FBXL19: variants seen among roughly 807,000 people sequenced by gnomAD.
FBXL19 encodes the protein F-box and leucine rich repeat protein 19, also known as F-box/LRR-repeat protein 19.
A neutral mutation model predicts 71.2 loss-of-function variants in FBXL19; 16 were observed. That is an observed-to-expected ratio of 0.22 (90% CI 0.15 to 0.34). The LOEUF (loss-of-function observed/expected upper bound fraction) is 0.34. FBXL19 is among the 10% of genes least tolerant of loss of function. The pLI, the probability that FBXL19 is intolerant of heterozygous loss-of-function variation, is 1.00. For synonymous variants in FBXL19, 447 were observed against 409.4 expected (o/e 1.09, Z -1.11); for missense variants, 658 against 968.2 (o/e 0.68, Z 4.25).
rs1273056260 is a variant in FBXL19, at chr16:30,925,955, G to T, written c.177+24G>T. Reference sequence around the variant, plus strand: ...CCGTGAGTTCTGCCCCCACCTTTGGGCTCTGCCCACCCTTCCCAATACCTT... The same window carrying T: ...CCGTGAGTTCTGCCCCCACCTTTGGTCTCTGCCCACCCTTCCCAATACCTT... On this transcript the variant is annotated intron_variant, in intron 2 of 10. Coordinates refer to ENST00000338343, the MANE Select transcript of FBXL19 (RefSeq NM_001382779.1). The surrounding 1 kb of genome is among the most constrained non-coding windows in gnomAD (Gnocchi z 5.0). 22 of 1,468,236 alleles carry T rather than the reference G, an allele frequency of 1.5e-5. No individual in the cohort carries two copies. The highest frequency in any genetic ancestry group is 2.0e-5 in the Non-Finnish European group (22 of 1,113,910). 91.0% of individuals were successfully genotyped at this position (1,468,236 alleles called of 1,614,324 possible).
rs1325444885 is a variant in FBXL19 at position 30,927,924 on chromosome 16, A to G, written c.588A>G (p.Glu196=). ...EDVPGPPKRK[E]REAGNEPPTP... ...TGCCTGGGCCCCCCAAACGAAAGGA[A>G]AGGGAGGCAGGGAATGAGCCTCCCA... is the stretch of plus-strand genomic sequence containing the variant. The change falls in exon 5 of 11, where the codon GAA becomes GAG. Residue 196 remains glutamate, a synonymous_variant. Coordinates refer to ENST00000338343, the MANE Select transcript of FBXL19 (RefSeq NM_001382779.1). 4 of 1,544,428 alleles carry G rather than the reference A, an allele frequency of 2.6e-6. No homozygotes were observed. The highest frequency in any genetic ancestry group is 3.4e-4 in the Middle Eastern group (2 of 5,814).
rs996590159 is a variant in FBXL19, at chr16:30,925,548, C to T, written c.-24-183C>T. 2.9e-4 allele frequency: 166 copies of T among 564,740 alleles called. No individual in the cohort carries two copies. In the Middle Eastern group the frequency reaches 3.1e-3, roughly 10 times the overall value. 35.0% of individuals were successfully genotyped at this position (564,740 alleles called of 1,614,324 possible). A position where few individuals can be genotyped will look rare whatever the true frequency, so the allele number is the denominator to read the frequency against. Reference sequence around the variant, plus strand: ...AAGCAGTTCTTGGGCTCCTCTTGAGCTGCTGCAGGGAGACAGGCCTTGAGT... The same window carrying T: ...AAGCAGTTCTTGGGCTCCTCTTGAGTTGCTGCAGGGAGACAGGCCTTGAGT... On this transcript the variant is annotated intron_variant, in intron 1 of 10. Coordinates refer to ENST00000338343, the MANE Select transcript of FBXL19 (RefSeq NM_001382779.1). The surrounding 1 kb of genome is among the most constrained non-coding windows in gnomAD (Gnocchi z 5.0).
chr16:30,933,841 C>T lies in FBXL19; in HGVS notation c.1301+3257C>T, dbSNP rs527488608. Among the ~76,000 whole-genome samples the T allele has an allele frequency of 7.9e-5, 12 of 151,856 alleles. No individual in the cohort carries two copies. In the East Asian group the frequency reaches 2.3e-3, roughly 30 times the overall value. ...GATCTCGGCTCGCCACAACCTCCAC[C>T]TCCTGGGTTCAATCAGTTCTCCTGC... is the stretch of plus-strand genomic sequence containing the variant. On this transcript the variant is annotated intron_variant, in intron 7 of 10. Coordinates refer to ENST00000338343, the MANE Select transcript of FBXL19 (RefSeq NM_001382779.1).
In FBXL19 at chr16:30,928,554, C is replaced by G. The variant is rs2055631641; in HGVS notation, c.715C>G (p.Leu239Val). The G allele has an allele frequency of 6.2e-7, 1 of 1,608,160 alleles. No individual in the cohort carries two copies. The highest frequency in any genetic ancestry group is 8.5e-7 in the Non-Finnish European group (1 of 1,177,410). The change falls in exon 6 of 11, where the codon CTG (leucine) becomes GTG (valine). Residue 239 changes from leucine (L) to valine (V), a missense_variant. By Grantham distance (32) the Leu-to-Val change is conservative. Coordinates refer to ENST00000338343, the MANE Select transcript of FBXL19 (RefSeq NM_001382779.1). ...ATCGGACCCAGGCGGCCCGGGCCTG[C>G]TGCCCCCCAGGGTTCTGAATCCGAG... is the stretch of plus-strand genomic sequence containing the variant. ...RGSDPGGPGL[L>V]PPRVLNPSQA...
At chr16:30,923,354 T>G (rs571239781), upstream of FBXL19, 314 of 394,444 alleles carry the variant, frequency 8.0e-4, 2 homozygotes, top group African/African-American at 5.9e-3. Flanking sequence ...CCGTCCTGTT[T>G]GTAGTTCCCG....
intron 7 of FBXL19, among the ~76,000 whole-genome samples, chr16:30,937,676 C>T (rs973955218): frequency 2.0e-5 from 3 of 152,148 alleles, no homozygotes; most frequent in South Asian, 2.1e-4. Context: ...CACGAAGGCT[C>T]TGGGTTGGCA....
chr16:30,930,674 C>G lies in FBXL19; in HGVS notation c.1301+90C>G. On this transcript the variant is annotated intron_variant, in intron 7 of 10. Transcript: ENST00000338343. This position sits in a 1 kb window ranked among gnomAD's most constrained non-coding sequence, Gnocchi z 8.5. ...GGTAGGTCTCTGGCCCTCTCTGGGC[C>G]TTGCTTTTATATTGGGGATACTTCT... 3 of 1,338,690 alleles carry G rather than the reference C, an allele frequency of 2.2e-6. No homozygotes were observed. Among genetic ancestry groups the G allele is most frequent in the Non-Finnish European group, 2.9e-6 (3 of 1,036,886 alleles). The allele number at this position is 1,338,690 out of a possible 1,614,324, so 82.9% of individuals were successfully genotyped here.
chr16:30,941,519 T>C (rs553254792), intron 7 of FBXL19, among the ~76,000 whole-genome samples: 19 of 152,200 alleles, frequency 1.2e-4, no homozygotes, highest in Non-Finnish European at 2.5e-4. Flanking sequence ...TTGTGGAATT[T>C]ACATTGTAGT....
At chr16:30,927,711 G>T (rs1367208097) in intron 4 of FBXL19, 34 bp from the exon 5 acceptor site, 3 of 1,556,362 alleles carry the variant, frequency 1.9e-6, no homozygotes, top group Middle Eastern at 1.7e-4. Context: ...GGGGAGCTGT[G>T]CAGGTCCTCA....
rs1208218028 is a variant in FBXL19, at chr16:30,942,526, C to T, written c.1617C>T (p.Asp539=). 3 of 1,588,594 alleles carry T rather than the reference C, an allele frequency of 1.9e-6. No individual in the cohort carries two copies. The highest frequency in any genetic ancestry group is 2.6e-6 in the Non-Finnish European group (3 of 1,167,278). The part of the protein sequence containing the change: ...QLRELLLPPP[D]TKPGQTESRG... ...GGGAGTTGCTGCTGCCTCCACCAGA[C>T]ACCAAACCAGGTGCAACCTCTGTTT... The change falls in exon 9 of 11, where the codon GAC becomes GAT. Residue 539 remains aspartate, a synonymous_variant. Coordinates refer to ENST00000338343, the MANE Select transcript of FBXL19 (RefSeq NM_001382779.1). The surrounding 1 kb of genome is among the most constrained non-coding windows in gnomAD (Gnocchi z 5.7).
Position 30,946,887 on chromosome 16 carries a change from T to C in FBXL19, c.1785T>C (p.Val595=), listed in dbSNP as rs763461389. 2.5e-5 allele frequency: 41 copies of C among 1,611,284 alleles called. No individual in the cohort carries two copies. Among genetic ancestry groups the C allele is most frequent in the Non-Finnish European group, 3.3e-5 (39 of 1,179,430 alleles). ...SHCAHVGDPS[V]HLLTAPTSPL... ...GCGCCCACGTCGGGGACCCCAGTGT[T>C]CACCTCCTCACGGCCCCCACGTCCC... is the stretch of plus-strand genomic sequence containing the variant. Residue 595 remains valine, a synonymous_variant, in exon 10 of 11, where the codon GTT becomes GTC. Coordinates refer to ENST00000338343, the MANE Select transcript of FBXL19 (RefSeq NM_001382779.1). This position sits in a 1 kb window ranked among gnomAD's most constrained non-coding sequence, Gnocchi z 6.7.
chr16:30,934,690 C>T (rs1230360437), intron 7 of FBXL19, among the ~76,000 whole-genome samples: 1 of 151,598 alleles, frequency 6.6e-6, no homozygotes, highest in Non-Finnish European at 1.5e-5. Context: ...TTGGACTTGA[C>T]TAACTGGCAG....
intron 6 of FBXL19, 54 bp downstream of exon 6, chr16:30,928,682 A>T (rs1740331525): frequency 1.6e-6 from 2 of 1,269,518 alleles, no homozygotes; most frequent in Non-Finnish European, 2.0e-6. Flanking sequence ...CCCACCCTTC[A>T]CCCTGGAGCC....
Position 30,930,394 on chromosome 16 carries a change from C to G in FBXL19, c.1111C>G (p.Pro371Ala). The G allele has an allele frequency of 6.5e-7, 1 of 1,530,936 alleles. No homozygotes were observed. The highest frequency in any genetic ancestry group is 8.7e-7 in the Non-Finnish European group (1 of 1,144,358). The allele number at this position is 1,530,936 out of a possible 1,614,324, so 94.8% of individuals were successfully genotyped here. A position where few individuals can be genotyped will look rare whatever the true frequency, so the allele number is the denominator to read the frequency against. Residue 371 changes from proline (P) to alanine (A), a missense_variant, in exon 7 of 11, where the codon CCA becomes GCA. By Grantham distance (27) the Pro-to-Ala change is conservative (BLOSUM62 -1). This residue lies in a region of FBXL19 where 447 missense variants were observed against 515.4 expected (regional missense o/e 0.87). Coordinates refer to ENST00000338343, the MANE Select transcript of FBXL19 (RefSeq NM_001382779.1). The surrounding 1 kb of genome is among the most constrained non-coding windows in gnomAD (Gnocchi z 8.5). ...LLSWPLGPAP[P>A]PRPPQLERHV... ...CAGCTGGCCCCTGGGCCCAGCCCCA[C>G]CACCCCGGCCTCCACAGCTGGAGCG... is the stretch of plus-strand genomic sequence containing the variant.
Position 30,942,199 on chromosome 16 carries a change from G to A in FBXL19, c.1385G>A (p.Arg462His). The change falls in exon 8 of 11, where the codon CGC becomes CAC. Residue 462 changes from arginine to histidine, a missense_variant. Coordinates refer to ENST00000338343, the MANE Select transcript of FBXL19 (RefSeq NM_001382779.1). This position sits in a 1 kb window ranked among gnomAD's most constrained non-coding sequence, Gnocchi z 5.7. ...LTPPMLSGVVRRQPRALDLSW... is the reference protein window; with the variant it reads ...LTPPMLSGVVHRQPRALDLSW... ...CCGCCCATGCTCAGTGGTGTGGTTC[G>A]CCGCCAGCCCCGTGCCCTGGACCTC... The A allele has an allele frequency of 6.3e-7, 1 of 1,592,406 alleles. No individual in the cohort carries two copies. The highest frequency in any genetic ancestry group is 8.5e-7 in the Non-Finnish European group (1 of 1,169,802).
chr16:30,946,566 G>A lies in FBXL19; in HGVS notation c.1628-164G>A, dbSNP rs2055860750. On this transcript the variant is annotated intron_variant, in intron 9 of 10. Coordinates refer to ENST00000338343, the MANE Select transcript of FBXL19 (RefSeq NM_001382779.1). The surrounding 1 kb of genome is among the most constrained non-coding windows in gnomAD (Gnocchi z 6.7). Reference sequence around the variant, plus strand: ...CCTCCGAGGAGGTGATGTGAGGAGTGGACAGATGAGGTCAGGCCATGAGGG... The same window carrying A: ...CCTCCGAGGAGGTGATGTGAGGAGTAGACAGATGAGGTCAGGCCATGAGGG... Among the ~76,000 whole-genome samples the A allele has an allele frequency of 6.6e-6, 1 of 152,198 alleles. No homozygotes were observed. The highest frequency in any genetic ancestry group is 6.5e-5 in the Admixed American group (1 of 15,286).
chr16:30,941,857 G>T (rs948633743), intron 7 of FBXL19, among the ~76,000 whole-genome samples: 27 of 152,210 alleles, frequency 1.8e-4, no homozygotes, highest in African/African-American at 5.3e-4. Flanking sequence ...CAGAGTGGGG[G>T]GGCTATTGCC....
At chr16:30,944,577 A>G (rs1465613162) in intron 9 of FBXL19, among the ~76,000 whole-genome samples, 1 of 151,582 alleles carries the variant, frequency 6.6e-6, no homozygotes, top group Non-Finnish European at 1.5e-5. Flanking sequence ...CATTTTCTTT[A>G]TTCATTCTTT....
At chr16:30,933,977 T>G (rs1161399102) in intron 7 of FBXL19, among the ~76,000 whole-genome samples, 1 of 151,078 alleles carries the variant, frequency 6.6e-6, no homozygotes, top group Non-Finnish European at 1.5e-5. Context: ...GGTCTCGAAC[T>G]CCTGACCTCA....
Sources: allele counts gnomAD v4.1 joint callset (sites outside exome capture counted in the v4.1 genomes callset), GRCh38; gene constraint gnomAD v4.1.1; regional missense constraint gnomAD v4.1.1; non-coding constraint Gnocchi (gnomAD v3.1); transcripts MANE v1.5; gene names NCBI Gene and HGNC (gene_info 2026-07-23, HGNC 2026-07-21).